STRN: variants seen among roughly 807,000 people sequenced by gnomAD.
STRN encodes protein phosphatase 2 regulatory subunit B'''alpha.
In STRN, 53 loss-of-function variants were observed where a neutral mutation model predicts 96.3. That is an observed-to-expected ratio of 0.55 (90% CI 0.44 to 0.69). The LOEUF is 0.69. STRN is among the 30% of genes least tolerant of loss of function. The probability of loss-of-function intolerance (pLI) is 0.00; values close to 1 mark genes in which losing one functional copy is unlikely to be tolerated. For missense variants in STRN, 987 were observed against 963.9 expected, an observed-to-expected ratio of 1.02 and a Z score of -0.32; for synonymous variants, 428 against 355.9, an observed-to-expected ratio of 1.20 and a Z score of -2.28.
intron 12 of STRN, among the ~76,000 whole-genome samples, chr2:36,861,464 A>G (rs1013314833): frequency 2.0e-5 from 3 of 152,092 alleles, no homozygotes; most frequent in African/African-American, 7.2e-5. Context: ...AAATCCAACC[A>G]CTGGTCTGTT....
intron 1 of STRN, among the ~76,000 whole-genome samples, chr2:36,938,532 T>C (rs955353817): frequency 6.6e-6 from 1 of 152,200 alleles, no homozygotes; most frequent in African/African-American, 2.4e-5. Flanking sequence ...AATTCCAGCT[T>C]TGTCACTTAC....
In STRN at chr2:36,861,220, A is replaced by G. The variant is rs1014878720; in HGVS notation, c.1581T>C (p.Asn527=). The G allele has an allele frequency of 5.0e-6, 8 of 1,613,980 alleles. No homozygotes were observed. The African/African-American group carries it at 6.7e-5, about 13-fold the overall frequency. ...GPVLCVVMSS[N]GEQCYSGGTD... ...TACCACCACTGTAACACTGCTCACC[A>G]TTGCTGCTCATTACCACACAAAGCA... The change falls in exon 13 of 18, where the codon AAT becomes AAC. Residue 527 remains asparagine, a synonymous_variant. Coordinates refer to ENST00000263918, the MANE Select transcript of STRN (RefSeq NM_003162.4).
In STRN at chr2:36,888,178, T is replaced by C. The variant is rs564577532; in HGVS notation, c.932-1352A>G. 2.6e-5 allele frequency among the ~76,000 whole-genome samples: 4 copies of C among 152,330 alleles called. No homozygotes were observed. The South Asian group carries it at 8.3e-4, about 32-fold the overall frequency. ...TCACAAATATTCAGAATCTGGCTTC[T>C]CAGCACATCTACTACTACTCTGATC... On this transcript the variant is annotated intron_variant, in intron 7 of 17. Coordinates refer to ENST00000263918, the MANE Select transcript of STRN (RefSeq NM_003162.4).
chr2:36,938,815 AAT>A (rs991243991), intron 1 of STRN, among the ~76,000 whole-genome samples: 5 of 152,320 alleles, frequency 3.3e-5, no homozygotes, highest in African/African-American at 4.8e-5. Context: ...TATTAGACAT[AAT>A]ATATGTCTGC....
intron 2 of STRN, among the ~76,000 whole-genome samples, chr2:36,917,787 G>A (rs185091694): frequency 5.4e-4 from 82 of 152,030 alleles, no homozygotes; most frequent in African/African-American, 1.8e-3. Context: ...TATCTTACAC[G>A]TATGTATGAA....
At chr2:36,861,731 G>GCGCA (rs1046099256) in intron 12 of STRN, among the ~76,000 whole-genome samples, 56 of 150,588 alleles carry the variant, frequency 3.7e-4, no homozygotes, top group Admixed American at 9.9e-4. Flanking sequence ...CATTGCGTGA[G>GCGCA]CACACACACA....
intron 14 of STRN, among the ~76,000 whole-genome samples, chr2:36,857,129 T>A (rs1331990160): frequency 6.6e-6 from 1 of 151,158 alleles, no homozygotes; most frequent in Admixed American, 6.6e-5. Flanking sequence ...GGCCTCGCTA[T>A]GTTGCCCAGC....
chr2:36,943,667 G>A (rs1014640841), intron 1 of STRN, among the ~76,000 whole-genome samples: 3 of 151,952 alleles, frequency 2.0e-5, no homozygotes, highest in Non-Finnish European at 4.4e-5. Flanking sequence ...AGCTGGGCGT[G>A]GTGGCACACT....
chr2:36,855,192 T>G lies in STRN; in HGVS notation c.1978+20A>C, dbSNP rs1273491275. On this transcript the variant is annotated intron_variant, in intron 15 of 17. Transcript: ENST00000263918. The stretch of plus-strand genomic sequence containing the variant: ...AAGTTAAAAAAATAAACACAGACAA[T>G]TTAAAATTGGTATGCATACTTGTAT... The G allele has an allele frequency of 6.2e-7, 1 of 1,607,126 alleles. No individual in the cohort carries two copies. Among genetic ancestry groups the G allele is most frequent in the Non-Finnish European group, 8.5e-7 (1 of 1,177,070 alleles).
intron 1 of STRN, among the ~76,000 whole-genome samples, chr2:36,939,554 A>ATTG (rs1298082426): frequency 6.6e-6 from 1 of 151,846 alleles, no homozygotes; most frequent in African/African-American, 2.4e-5. Flanking sequence ...TATTATTATT[A>ATTG]TTATTTTTTG....
At chr2:36,937,677 A>T (rs1433562207) in intron 1 of STRN, among the ~76,000 whole-genome samples, 3 of 151,794 alleles carry the variant, frequency 2.0e-5, no homozygotes, top group Non-Finnish European at 4.4e-5. Context: ...TTGCCTTAAA[A>T]AAGAAAGAAA....
chr2:36,954,062 A>G (rs1664822352), intron 1 of STRN, among the ~76,000 whole-genome samples: 1 of 152,218 alleles, frequency 6.6e-6, no homozygotes, highest in South Asian at 2.1e-4. Context: ...GGTTAACCAA[A>G]TAACATAAAA....
At chr2:36,921,793 G>C (rs1298744402) in intron 2 of STRN, among the ~76,000 whole-genome samples, 1 of 151,870 alleles carries the variant, frequency 6.6e-6, no homozygotes, top group Non-Finnish European at 1.5e-5. Flanking sequence ...GATCTTTCCA[G>C]TCCACCCCCA....
chr2:36,858,099 T>C, intron 13 of STRN, 76 bp from the exon 14 acceptor site: 2 of 1,262,138 alleles, frequency 1.6e-6, no homozygotes, highest in Non-Finnish European at 2.2e-6. Flanking sequence ...GAAAGTAAAA[T>C]ATATAAACAA....
At chr2:36,859,414 C>T (rs1031017408) in intron 13 of STRN, among the ~76,000 whole-genome samples, 5 of 152,112 alleles carry the variant, frequency 3.3e-5, no homozygotes, top group African/African-American at 7.2e-5. Context: ...TAAGTGGGGA[C>T]AGTGTGACAG....
In STRN at chr2:36,839,192, ACTTT is replaced by A. The variant is rs951746027; in HGVS notation, c.*10260_*10263del. ...TTTTGCATTTAAATTCATTTCTGTC[ACTTT>A]CTTAACCTGAAAAACATCAAATCAT... On this transcript the variant is annotated 3_prime_UTR_variant, in exon 18 of 18. Coordinates refer to ENST00000263918, the MANE Select transcript of STRN (RefSeq NM_003162.4). Among the ~76,000 whole-genome samples the A allele has an allele frequency of 6.6e-6, 1 of 152,114 alleles. No homozygotes were observed. The highest frequency in any genetic ancestry group is 2.4e-5 in the African/African-American group (1 of 41,414).
At chr2:36,853,713 C>T (rs1668275601) in intron 15 of STRN, among the ~76,000 whole-genome samples, 1 of 152,144 alleles carries the variant, frequency 6.6e-6, no homozygotes, top group South Asian at 2.1e-4. Context: ...TCACTTTCTC[C>T]TTGAAGCTTG....
At chr2:36,926,066 G>A (rs1415345011) in intron 1 of STRN, among the ~76,000 whole-genome samples, 2 of 152,092 alleles carry the variant, frequency 1.3e-5, no homozygotes, top group Non-Finnish European at 2.9e-5. Flanking sequence ...ATAGAAAAAA[G>A]AAAGTGAAAG....
Position 36,850,951 on chromosome 2 carries a change from G to GTT in STRN, c.2086+48_2086+49insAA, listed in dbSNP as rs771268393. Reference sequence around the variant, plus strand: ...CCAAAATTAGCCTACTTGTGGTAGGGATTTTTTTTTTTTGCTTTAATAAAA... The same window carrying GTT: ...CCAAAATTAGCCTACTTGTGGTAGGGTTATTTTTTTTTTTTGCTTTAATAAAA... On this transcript the variant is annotated intron_variant, in intron 16 of 17. Coordinates refer to ENST00000263918, the MANE Select transcript of STRN (RefSeq NM_003162.4). 1.9e-3 allele frequency: 1,430 copies of GTT among 750,882 alleles called. 2 individuals are homozygous for GTT. Among genetic ancestry groups the GTT allele is most frequent in the Non-Finnish European group, 2.6e-3 (1,336 of 510,718 alleles). The allele number at this position is 750,882 out of a possible 1,614,324, so 46.5% of individuals were successfully genotyped here.
Sources: gnomAD v4.1 joint callset for allele counts (sites outside exome capture counted in the v4.1 genomes callset) on GRCh38, gnomAD v4.1.1 for gene constraint, MANE v1.5 for transcripts, NCBI Gene and HGNC (gene_info 2026-07-23, HGNC 2026-07-21) for gene names.